The following GPR139 variants were observed in gnomAD, a reference collection of about 807,000 sequenced individuals.
The protein encoded by GPR139 is G protein-coupled receptor 139.
A neutral mutation model predicts 25.8 loss-of-function variants in GPR139; 12 were observed. The observed-to-expected ratio is 0.47, with a 90% CI of 0.30 to 0.75. The LOEUF (loss-of-function observed/expected upper bound fraction) is 0.75, where lower values mean the gene tolerates loss of function less well. GPR139 is among the 30% of genes least tolerant of loss of function. The probability of loss-of-function intolerance (pLI) is 0.07; values close to 1 mark genes in which losing one functional copy is unlikely to be tolerated. For synonymous variants in GPR139, 184 were observed against 179.9 expected, an observed-to-expected ratio of 1.02 and a Z score of -0.18; for missense variants, 380 against 450.2, an observed-to-expected ratio of 0.84 and a Z score of 1.41.
chr16:20,034,146 T>G (rs2057301877), intron 1 of GPR139, among the ~76,000 whole-genome samples: 1 of 152,176 alleles, frequency 6.6e-6, no homozygotes, highest in African/African-American at 2.4e-5. Flanking sequence ...ATAATGCTAT[T>G]TTGCAACCTA....
chr16:20,041,207 A>G (rs1201229592), intron 1 of GPR139, among the ~76,000 whole-genome samples: 1 of 1,786 alleles, frequency 5.6e-4, no homozygotes, highest in African/African-American at 3.5e-3. Context: ...GGAGGAGAGG[A>G]GAGGAGAGGA....
intron 1 of GPR139, among the ~76,000 whole-genome samples, chr16:20,060,452 T>G (rs1307497206): frequency 6.6e-6 from 1 of 152,016 alleles, no homozygotes; most frequent in Non-Finnish European, 1.5e-5. Context: ...TCTGCATCTG[T>G]GTGTCTGTGT....
Position 20,032,606 on chromosome 16 carries a change from T to C in GPR139, c.191A>G (p.Asn64Ser). The change falls in exon 2 of 2, where the codon AAC (asparagine) becomes AGC (serine). Residue 64 changes from asparagine to serine, a missense_variant. Physicochemically the swap from Asn to Ser is conservative, Grantham distance 46. Transcript: ENST00000570682. The stretch of plus-strand genomic sequence containing the variant: ...GGCAGCAGCGAGTGCCAAGAGATAG[T>C]TGTAGGAGGACTTCTGTCTTCTTGC... ...LVARRQKSSYNYLLALAAADI... is the reference protein window; with the variant it reads ...LVARRQKSSYSYLLALAAADI... 1 of 1,613,342 alleles carries C rather than the reference T, an allele frequency of 6.2e-7. No homozygotes were observed. The highest frequency in any genetic ancestry group is 8.5e-7 in the Non-Finnish European group (1 of 1,179,350).
Position 20,051,395 on chromosome 16 carries a change from C to T in GPR139, c.128-18726G>A, listed in dbSNP as rs921496501. ...CTTTGGTGCAAATGGCCCAGCTGCC[C>T]GCTCCCCAAGGCTACCTCCCTAATG... On this transcript the variant is annotated intron_variant, in intron 1 of 1. Transcript: ENST00000570682. Among the ~76,000 whole-genome samples the T allele has an allele frequency of 2.6e-5, 4 of 152,256 alleles. No individual in the cohort carries two copies. In the East Asian group the frequency reaches 5.8e-4, roughly 22 times the overall value.
At chr16:20,061,056 T>C (rs1247895236) in intron 1 of GPR139, among the ~76,000 whole-genome samples, 4 of 27,676 alleles carry the variant, frequency 1.4e-4, no homozygotes, top group African/African-American at 4.9e-4. Context: ...ATGCTAGTCT[T>C]TCCTCTGTGT....
chr16:20,057,179 C>T (rs72772750), intron 1 of GPR139, among the ~76,000 whole-genome samples: 6,199 of 152,254 alleles, frequency 0.041, 150 homozygotes, highest in Non-Finnish European at 0.056. Context: ...TAAGCAGTGA[C>T]GTGCAGGCCG....
At position 20,070,865 on chromosome 16, in the gene GPR139, AG is replaced by A. The variant is rs2057457123; in HGVS notation, c.127+2624del. 3.9e-6 allele frequency: 3 copies of A among 759,802 alleles called. No homozygotes were observed. In the South Asian group the frequency reaches 1.8e-4, roughly 45 times the overall value. 47.1% of individuals were successfully genotyped at this position (759,802 alleles called of 1,614,324 possible). ...TTTGCTAATTGCTGGTGGCTGGGGA[AG>A]GGAGGTGATGGGTGGGGACCACTGT... On this transcript the variant is annotated intron_variant, in intron 1 of 1. Transcript: ENST00000570682.
Position 20,053,829 on chromosome 16 carries a change from C to CT in GPR139, c.127+19660dup, listed in dbSNP as rs34538715. Among the ~76,000 whole-genome samples, 851 of 150,484 alleles carry CT rather than the reference C, an allele frequency of 5.7e-3. 11 individuals carry two copies. The highest frequency in any genetic ancestry group is 0.013 in the African/African-American group (517 of 41,146). On this transcript the variant is annotated intron_variant, in intron 1 of 1. Transcript: ENST00000570682. Reference sequence around the variant, plus strand: ...ATTCTAATTTCATTGCTCTCATCTTCTTTTTTTTTTTTCAGATGAATAGAT... The same window carrying CT: ...ATTCTAATTTCATTGCTCTCATCTTCTTTTTTTTTTTTTCAGATGAATAGAT...
chr16:20,072,308 G>A (rs555157007), intron 1 of GPR139, among the ~76,000 whole-genome samples: 2 of 152,238 alleles, frequency 1.3e-5, no homozygotes, highest in South Asian at 2.1e-4. Flanking sequence ...TCTCATCAGG[G>A]GCCCTGACTG....
At chr16:20,044,309 A>G (rs776238017) in intron 1 of GPR139, among the ~76,000 whole-genome samples, 2 of 152,204 alleles carry the variant, frequency 1.3e-5, no homozygotes, top group Non-Finnish European at 2.9e-5. Flanking sequence ...ATCAATGAAA[A>G]TGTCCTTAGA....
At chr16:20,060,840 A>G (rs1596470579) in intron 1 of GPR139, among the ~76,000 whole-genome samples, 1 of 152,130 alleles carries the variant, frequency 6.6e-6, no homozygotes, top group Non-Finnish European at 1.5e-5. Flanking sequence ...CCTCAGGGTT[A>G]TGGCACAGCC....
At chr16:20,038,080 T>G (rs1009633478) in intron 1 of GPR139, among the ~76,000 whole-genome samples, 7 of 151,880 alleles carry the variant, frequency 4.6e-5, no homozygotes, top group Non-Finnish European at 1.0e-4. Context: ...CAGGCTGGTC[T>G]CAAACTCCTG....
intron 1 of GPR139, among the ~76,000 whole-genome samples, chr16:20,052,490 T>G (rs1239766537): frequency 6.6e-6 from 1 of 152,210 alleles, no homozygotes; most frequent in African/African-American, 2.4e-5. Flanking sequence ...AGAAGGGAAG[T>G]AATCTTTATA....
At chr16:20,071,537 T>C (rs1239217817) in intron 1 of GPR139, among the ~76,000 whole-genome samples, 3 of 152,214 alleles carry the variant, frequency 2.0e-5, no homozygotes, top group Admixed American at 6.5e-5. Flanking sequence ...CCAAAACTAT[T>C]AGTTGAGGGT....
At chr16:20,040,997 C>G (rs1302522275) in intron 1 of GPR139, among the ~76,000 whole-genome samples, 2 of 151,278 alleles carry the variant, frequency 1.3e-5, no homozygotes, top group Non-Finnish European at 2.9e-5. Flanking sequence ...GTCACAATCC[C>G]CTGTGACTTA....
Position 20,032,157 on chromosome 16 carries a change from T to A in GPR139, c.640A>T (p.Ser214Cys). ...GAGTAGCCACGGAGACGAAAATTGC[T>A]CTTCCTCCTGAGCTTGTACACAATG... ...SIIVYKLRRK[S>C]NFRLRGYSTG... The change falls in exon 2 of 2, where the codon AGC (serine) becomes TGC (cysteine). Residue 214 changes from serine to cysteine, a missense_variant. Physicochemically the swap from Ser to Cys is moderately radical, Grantham distance 112. Coordinates refer to ENST00000570682, the MANE Select transcript of GPR139 (RefSeq NM_001002911.4). 2 of 1,614,192 alleles carry A rather than the reference T, an allele frequency of 1.2e-6. No individual in the cohort carries two copies. The highest frequency in any genetic ancestry group is 4.5e-5 in the East Asian group (2 of 44,884).
rs987486330 is a variant in GPR139, at chr16:20,031,564, C to A, written c.*171G>T. On this transcript the variant is annotated 3_prime_UTR_variant, in exon 2 of 2. Transcript: ENST00000570682. ...CATAAGTAAAAACAAGCTTCATGCT[C>A]TCCTTTCTTCTCTTCCATCTCTTCT... 7 of 615,338 alleles carry A rather than the reference C, an allele frequency of 1.1e-5. No individual in the cohort carries two copies. The African/African-American group carries it at 1.3e-4, about 11-fold the overall frequency. 38.1% of individuals were successfully genotyped at this position (615,338 alleles called of 1,614,324 possible). A position where few individuals can be genotyped will look rare whatever the true frequency, so the allele number is the denominator to read the frequency against.
At chr16:20,034,188 G>A (rs566336771) in intron 1 of GPR139, among the ~76,000 whole-genome samples, 3 of 152,170 alleles carry the variant, frequency 2.0e-5, no homozygotes, top group African/African-American at 7.2e-5. Context: ...CCTTGTCTGA[G>A]GTCCAGTGGC....
intron 1 of GPR139, 97 bp from the exon 2 acceptor site, chr16:20,032,766 G>T: frequency 1.3e-6 from 1 of 798,818 alleles, no homozygotes; most frequent in Non-Finnish European, 2.0e-6. Context: ...GCACTCCCAT[G>T]GAAGTGAAAA....
Sources: gnomAD v4.1 joint callset for allele counts (sites outside exome capture counted in the v4.1 genomes callset) on GRCh38, gnomAD v4.1.1 for gene constraint, MANE v1.5 for transcripts, NCBI Gene and HGNC (gene_info 2026-07-23, HGNC 2026-07-21) for gene names.